Variants in ZEB1 observed in about 807,000 individuals in gnomAD.
The protein encoded by ZEB1 is zinc finger E-box binding homeobox 1, also known as zinc finger E-box-binding homeobox 1.
In ZEB1, 21 loss-of-function variants were observed where a neutral mutation model predicts 84.9. That is an observed-to-expected ratio of 0.25 (90% CI 0.18 to 0.36). The LOEUF (loss-of-function observed/expected upper bound fraction) is 0.36. ZEB1 is among the 10% of genes least tolerant of loss of function. The pLI, the probability that ZEB1 is intolerant of heterozygous loss-of-function variation, is 1.00. For missense variants in ZEB1, 1,104 were observed against 1,330.2 expected, an observed-to-expected ratio of 0.83 and a Z score of 2.65; for synonymous variants, 420 against 471.1, an observed-to-expected ratio of 0.89 and a Z score of 1.41.
At chr10:31,510,015 C>T (rs753824767) in intron 4 of ZEB1, among the ~76,000 whole-genome samples, 3 of 152,058 alleles carry the variant, frequency 2.0e-5, no homozygotes, top group Non-Finnish European at 2.9e-5. Flanking sequence ...GGGGAAATTA[C>T]AAGCAGGGTC....
intron 8 of ZEB1, among the ~76,000 whole-genome samples, chr10:31,524,399 G>A (rs887170422): frequency 6.6e-5 from 10 of 151,894 alleles, no homozygotes; most frequent in East Asian, 1.9e-4. Flanking sequence ...TGATATAGAC[G>A]GGTTTTGCCA....
At chr10:31,484,231 C>G (rs1387239483) in intron 2 of ZEB1, among the ~76,000 whole-genome samples, 1 of 151,946 alleles carries the variant, frequency 6.6e-6, no homozygotes, top group Non-Finnish European at 1.5e-5. Context: ...TCCATTTCAC[C>G]ATTTAAAGTA....
intron 2 of ZEB1, among the ~76,000 whole-genome samples, chr10:31,490,384 T>A (rs1283307326): frequency 1.3e-5 from 2 of 151,682 alleles, no homozygotes; most frequent in Non-Finnish European, 2.9e-5. Flanking sequence ...TAAATATTTT[T>A]ACTCTGTCTT....
intron 1 of ZEB1, among the ~76,000 whole-genome samples, chr10:31,451,049 A>T (rs532036330): frequency 2.0e-5 from 3 of 152,300 alleles, no homozygotes; most frequent in Non-Finnish European, 2.9e-5. Context: ...GATCTGAAGA[A>T]ATTTACCTGT....
chr10:31,515,570 CA>C (rs1331152624), intron 6 of ZEB1, among the ~76,000 whole-genome samples: 1 of 151,842 alleles, frequency 6.6e-6, no homozygotes, highest in African/African-American at 2.4e-5. Flanking sequence ...CATCTTCCTA[CA>C]AAAAAAGTAT....
At chr10:31,432,046 G>A (rs995521984) in intron 1 of ZEB1, among the ~76,000 whole-genome samples, 8 of 152,154 alleles carry the variant, frequency 5.3e-5, no homozygotes, top group Non-Finnish European at 1.2e-4. Flanking sequence ...AAAAGCATAT[G>A]TTCTTTTTAA....
At chr10:31,397,137 C>T (rs568903248) in intron 1 of ZEB1, among the ~76,000 whole-genome samples, 53 of 145,542 alleles carry the variant, frequency 3.6e-4, no homozygotes, top group African/African-American at 1.3e-3. Context: ...CTCAGCCTCC[C>T]GAGAAGCTTC....
chr10:31,400,953 A>C (rs1417507958), intron 1 of ZEB1, among the ~76,000 whole-genome samples: 1 of 152,220 alleles, frequency 6.6e-6, no homozygotes, highest in African/African-American at 2.4e-5. Context: ...GTTTCATTAT[A>C]GTCTTTTTAA....
chr10:31,352,064 C>T (rs1450721170), intron 1 of ZEB1, among the ~76,000 whole-genome samples: 2 of 152,064 alleles, frequency 1.3e-5, no homozygotes, highest in African/African-American at 4.8e-5. Flanking sequence ...ATTCATAATA[C>T]ATAGGATACA....
intron 2 of ZEB1, among the ~76,000 whole-genome samples, chr10:31,463,843 A>G (rs1183413423): frequency 6.6e-6 from 1 of 152,222 alleles, no homozygotes. Context: ...CCTTCATCCT[A>G]GTACTATAGA....
At chr10:31,484,360 A>G (rs934500304) in intron 2 of ZEB1, among the ~76,000 whole-genome samples, 1 of 152,024 alleles carries the variant, frequency 6.6e-6, no homozygotes, top group Non-Finnish European at 1.5e-5. Context: ...ATTAATAATC[A>G]TAACTATACT....
chr10:31,431,912 A>C (rs1445428076), intron 1 of ZEB1, among the ~76,000 whole-genome samples: 1 of 152,240 alleles, frequency 6.6e-6, no homozygotes, highest in Non-Finnish European at 1.5e-5. Context: ...TTGACAAAAC[A>C]GTTTATTTTA....
At chr10:31,333,313 A>G (rs2037212274) in intron 1 of ZEB1, among the ~76,000 whole-genome samples, 1 of 150,700 alleles carries the variant, frequency 6.6e-6, no homozygotes, top group Non-Finnish European at 1.5e-5. Flanking sequence ...ACAGTATTGG[A>G]TCATACTTCC....
intron 2 of ZEB1, among the ~76,000 whole-genome samples, chr10:31,479,045 A>G (rs2064690296): frequency 1.3e-5 from 2 of 151,972 alleles, no homozygotes; most frequent in East Asian, 1.9e-4. Context: ...AAAGAAATTT[A>G]TAAGGAAAAG....
chr10:31,515,992 A>C (rs960543736), intron 6 of ZEB1, among the ~76,000 whole-genome samples: 1 of 152,120 alleles, frequency 6.6e-6, no homozygotes, highest in African/African-American at 2.4e-5. Flanking sequence ...AGATTCATGT[A>C]TATAATGAGT....
At chr10:31,397,299 T>G (rs1204776432) in intron 1 of ZEB1, among the ~76,000 whole-genome samples, 1 of 151,646 alleles carries the variant, frequency 6.6e-6, no homozygotes, top group Non-Finnish European at 1.5e-5. Flanking sequence ...TACTTTCCCT[T>G]TATTTCACTA....
At chr10:31,472,454 C>G (rs1048611570) in intron 2 of ZEB1, among the ~76,000 whole-genome samples, 3 of 152,080 alleles carry the variant, frequency 2.0e-5, no homozygotes, top group African/African-American at 4.8e-5. Context: ...AGTAGAAAAT[C>G]TAGAAGAAAT....
rs866596446 is a variant in ZEB1, at chr10:31,358,467, C to T, written c.58+39175C>T. On this transcript the variant is annotated intron_variant, in intron 1 of 8. Coordinates refer to ENST00000424869, the MANE Select transcript of ZEB1 (RefSeq NM_001174096.2). ...AAAAATTCTCTTCTCATTTAATAGA[C>T]ACCTGTCTGTAGAGTAAACTATGCA... 75 of 152,026 alleles carry T rather than the reference C, an allele frequency of 4.9e-4. 2 individuals carry two copies. Among genetic ancestry groups the T allele is most frequent in the Admixed American group, 4.9e-3 (75 of 15,270 alleles). The allele number at this position is 152,026 out of a possible 1,614,324, so 9.4% of individuals were successfully genotyped here.
At chr10:31,494,022 A>G (rs2066898110) in intron 2 of ZEB1, among the ~76,000 whole-genome samples, 1 of 152,040 alleles carries the variant, frequency 6.6e-6, no homozygotes, top group Admixed American at 6.6e-5. Flanking sequence ...TATCAATGTC[A>G]TATTCCATCT....
Sources: allele counts gnomAD v4.1 joint callset (sites outside exome capture counted in the v4.1 genomes callset), GRCh38; gene constraint gnomAD v4.1.1; transcripts MANE v1.5; gene names NCBI Gene and HGNC (gene_info 2026-07-23, HGNC 2026-07-21).